Variants in INHBC observed in about 807,000 individuals in gnomAD.
INHBC encodes the protein inhibin beta C chain.
INHBC carries 10 observed loss-of-function variants against 12.4 expected under a neutral mutation model. The ratio of observed to expected loss-of-function variants is 0.81; its 90% CI spans 0.50 to 1.37. The LOEUF (loss-of-function observed/expected upper bound fraction) is 1.37. Ranked by LOEUF, INHBC falls within the 40% of genes most tolerant of loss-of-function variation. The pLI is 0.00. For missense variants in INHBC, 382 were observed against 439.4 expected (o/e 0.87, Z 1.17); for synonymous variants, 147 against 171.6 (o/e 0.86, Z 1.12).
rs1290476394 is a variant in INHBC, at chr12:57,447,856, C to A, written c.314-1421C>A. Among the ~76,000 whole-genome samples, 2 of 35,816 alleles carry A rather than the reference C, an allele frequency of 5.6e-5. 1 individual carries two copies. Among genetic ancestry groups the A allele is most frequent in the Non-Finnish European group, 1.0e-4 (2 of 19,888 alleles). 23.5% of individuals were successfully genotyped at this position (35,816 alleles called of 152,430 possible). Reference sequence around the variant, plus strand: ...CAGCCTGGGCAACAGGAACAAAACTCCGTCTCAAAAAAAAAAAAAAAAAAA... The same window carrying A: ...CAGCCTGGGCAACAGGAACAAAACTACGTCTCAAAAAAAAAAAAAAAAAAA... On this transcript the variant is annotated intron_variant, in intron 1 of 1. Transcript: ENST00000309668.
At chr12:57,440,917 G>A (rs951246391) in intron 1 of INHBC, among the ~76,000 whole-genome samples, 8 of 152,056 alleles carry the variant, frequency 5.3e-5, no homozygotes, top group Admixed American at 1.3e-4. Flanking sequence ...TCCCGAAGCC[G>A]GTGCAACTGA....
intron 1 of INHBC, among the ~76,000 whole-genome samples, chr12:57,443,112 T>C (rs1344798859): frequency 8.7e-6 from 1 of 115,470 alleles, no homozygotes; most frequent in African/African-American, 3.5e-5. Flanking sequence ...AATAAAGCAC[T>C]CTTTTTTTTT....
In INHBC at chr12:57,435,335, C is replaced by T. The variant is rs139211031; in HGVS notation, c.313+136C>T. ...CTTCCCACAGGCTATAATCTCCTTA[C>T]CCAGGTGTCCCGACAACCCCCACAT... On this transcript the variant is annotated intron_variant, in intron 1 of 1. Coordinates refer to ENST00000309668, the MANE Select transcript of INHBC (RefSeq NM_005538.4). 326 of 838,518 alleles carry T rather than the reference C, an allele frequency of 3.9e-4. 1 individual carries two copies. The African/African-American group carries it at 5.1e-3, about 13-fold the overall frequency. The allele number at this position is 838,518 out of a possible 1,614,324, so 51.9% of individuals were successfully genotyped here.
intron 1 of INHBC, among the ~76,000 whole-genome samples, chr12:57,443,781 TTTTGTTTG>T (rs779134098): frequency 6.6e-6 from 1 of 152,006 alleles, no homozygotes; most frequent in Non-Finnish European, 1.5e-5. Flanking sequence ...TCAACAAGTA[TTTTGTTTG>T]TTTGTTTGTT....
intron 1 of INHBC, among the ~76,000 whole-genome samples, chr12:57,439,780 A>G (rs1394199044): frequency 6.6e-6 from 1 of 152,206 alleles, no homozygotes; most frequent in Non-Finnish European, 1.5e-5. Context: ...TTGACAGAAC[A>G]TCGTCTTAAA....
chr12:57,436,883 G>T (rs1870353204), intron 1 of INHBC, among the ~76,000 whole-genome samples: 1 of 151,798 alleles, frequency 6.6e-6, no homozygotes, highest in Non-Finnish European at 1.5e-5. Flanking sequence ...TAGCCAGGAT[G>T]ATCTCGATCT....
At chr12:57,438,074 C>T (rs1870386122) in intron 1 of INHBC, among the ~76,000 whole-genome samples, 1 of 152,196 alleles carries the variant, frequency 6.6e-6, no homozygotes, top group Non-Finnish European at 1.5e-5. Context: ...GCGTGAGCCA[C>T]TGCACCCACC....
chr12:57,436,167 C>CTTTT (rs35783961), intron 1 of INHBC, among the ~76,000 whole-genome samples: 1 of 118,390 alleles, frequency 8.4e-6, no homozygotes. Flanking sequence ...TTTTAAAAAA[C>CTTTT]TTTTTTTTTT....
Position 57,449,940 on chromosome 12 carries a change from C to A in INHBC, c.977C>A (p.Ser326Tyr). 1.3e-6 allele frequency: 2 copies of A among 1,581,566 alleles called. No homozygotes were observed. Among genetic ancestry groups the A allele is most frequent in the South Asian group, 1.2e-5 (1 of 85,926 alleles). The change falls in exon 2 of 2, where the codon TCT becomes TAT. Residue 326 changes from serine to tyrosine, a missense_variant. Coordinates refer to ENST00000309668, the MANE Select transcript of INHBC (RefSeq NM_005538.4). ...GTACCCACGGCCCGGCGCCCCCTGT[C>A]TCTGCTCTATTATGACAGGGACAGC... ...CCVPTARRPL[S>Y]LLYYDRDSNI...
At chr12:57,438,304 G>A (rs1270692640) in intron 1 of INHBC, among the ~76,000 whole-genome samples, 1 of 152,152 alleles carries the variant, frequency 6.6e-6, no homozygotes. Flanking sequence ...TAGACTTAGT[G>A]CCTGCCCATG....
intron 1 of INHBC, among the ~76,000 whole-genome samples, chr12:57,447,680 T>C (rs1207149039): frequency 1.4e-5 from 2 of 142,118 alleles, no homozygotes; most frequent in African/African-American, 5.2e-5. Context: ...AGGTGAGGAG[T>C]TCAAGACCAG....
At chr12:57,445,576 G>A (rs772845087) in intron 1 of INHBC, among the ~76,000 whole-genome samples, 1 of 152,176 alleles carries the variant, frequency 6.6e-6, no homozygotes, top group African/African-American at 2.4e-5. Flanking sequence ...GGACTGGGGG[G>A]ATACATTTAG....
intron 1 of INHBC, among the ~76,000 whole-genome samples, chr12:57,445,720 G>GC (rs58040852): frequency 1.1e-4 from 15 of 136,708 alleles, no homozygotes; most frequent in South Asian, 4.8e-4. Context: ...GAGACCCCCC[G>GC]CCCATCTCCA....
At chr12:57,440,661 G>A (rs1040393572) in intron 1 of INHBC, among the ~76,000 whole-genome samples, 2 of 151,912 alleles carry the variant, frequency 1.3e-5, no homozygotes, top group Non-Finnish European at 2.9e-5. Context: ...TCTCTCTCCC[G>A]AAATGCCTTA....
chr12:57,449,818 A>C lies in INHBC; in HGVS notation c.855A>C (p.Ala285=), dbSNP rs975042605. The part of the protein sequence containing the change: ...FCIGQCPLHI[A]GMPGIAASFH... ...TAGGGCAGTGCCCACTACACATAGC[A>C]GGCATGCCTGGTATTGCTGCCTCCT... Residue 285 remains alanine, a synonymous_variant, in exon 2 of 2, where the codon GCA becomes GCC. Coordinates refer to ENST00000309668, the MANE Select transcript of INHBC (RefSeq NM_005538.4). 6.2e-7 allele frequency: 1 copy of C among 1,613,456 alleles called. No homozygotes were observed. The highest frequency in any genetic ancestry group is 8.5e-7 in the Non-Finnish European group (1 of 1,179,510).
At chr12:57,446,527 T>C (rs927886019) in intron 1 of INHBC, among the ~76,000 whole-genome samples, 1 of 151,694 alleles carries the variant, frequency 6.6e-6, no homozygotes, top group Non-Finnish European at 1.5e-5. Context: ...AGGGTCTCAT[T>C]TTGTTGCCCA....
chr12:57,446,230 C>A (rs1314898699), intron 1 of INHBC, among the ~76,000 whole-genome samples: 1 of 151,958 alleles, frequency 6.6e-6, no homozygotes, highest in East Asian at 1.9e-4. Context: ...GCCACCACAC[C>A]CGGCCTAAAA....
At chr12:57,438,323 G>A (rs1870391251) in intron 1 of INHBC, among the ~76,000 whole-genome samples, 1 of 152,142 alleles carries the variant, frequency 6.6e-6, no homozygotes. Flanking sequence ...TGGAGGAAAG[G>A]GACAAGGCAA....
intron 1 of INHBC, 107 bp downstream of exon 1, chr12:57,435,306 C>T (rs901326292): frequency 8.5e-6 from 9 of 1,062,530 alleles, no homozygotes; most frequent in Admixed American, 7.4e-5. Flanking sequence ...CCATCCAACC[C>T]CTGCTTCCCA....
Sources: allele counts gnomAD v4.1 joint callset (sites outside exome capture counted in the v4.1 genomes callset), GRCh38; gene constraint gnomAD v4.1.1; transcripts MANE v1.5; gene names NCBI Gene and HGNC (gene_info 2026-07-23, HGNC 2026-07-21).